Variants in KMT5B observed in about 807,000 individuals in gnomAD.
KMT5B encodes the protein lysine methyltransferase 5B.
In KMT5B, 10 loss-of-function variants were observed where a neutral mutation model predicts 83.2. The observed-to-expected ratio is 0.12, with a 90% CI of 0.07 to 0.20. KMT5B has a LOEUF of 0.20. Ranked by LOEUF, KMT5B falls within the 10% of genes least tolerant of loss-of-function variation. KMT5B has a pLI of 1.00. For synonymous variants in KMT5B, 349 were observed against 388.8 expected, an observed-to-expected ratio of 0.90 and a Z score of 1.20; for missense variants, 753 against 1,067.2, an observed-to-expected ratio of 0.71 and a Z score of 4.10.
chr11:68,173,965 G>A lies in KMT5B; in HGVS notation c.544-52C>T, dbSNP rs745617051. The A allele has an allele frequency of 3.2e-6, 4 of 1,242,098 alleles. No homozygotes were observed. The African/African-American group carries it at 4.5e-5, about 14-fold the overall frequency. The allele number at this position is 1,242,098 out of a possible 1,614,324, so 76.9% of individuals were successfully genotyped here. A position where few individuals can be genotyped will look rare whatever the true frequency, so the allele number is the denominator to read the frequency against. On this transcript the variant is annotated intron_variant, in intron 5 of 10. Coordinates refer to ENST00000304363, the MANE Select transcript of KMT5B (RefSeq NM_017635.5). ...TGACTTTAAATGGTATACCCTGCTA[G>A]ACTTTCTTACAATTATAAAAGCAAA...
At chr11:68,165,759 G>C in intron 10 of KMT5B, 1 of 1,487,104 alleles carries the variant, frequency 6.7e-7, no homozygotes, top group Non-Finnish European at 9.0e-7. Context: ...ACAGTCAACA[G>C]TTAATGATTG....
chr11:68,161,406 C>G (rs916088864), intron 10 of KMT5B, among the ~76,000 whole-genome samples: 3 of 152,122 alleles, frequency 2.0e-5, no homozygotes, highest in Admixed American at 2.0e-4. Flanking sequence ...TATGCCTCCT[C>G]AAGGACTAAT....
intron 10 of KMT5B, chr11:68,164,652 A>G (rs1191559233): frequency 3.9e-6 from 2 of 514,080 alleles, no homozygotes; most frequent in African/African-American, 3.9e-5. Flanking sequence ...AGTTAGTCAT[A>G]CTGATCCTTG....
rs1859369296 is a variant in KMT5B at position 68,157,299 on chromosome 11, G to C, written c.*389C>G. The C allele has an allele frequency of 6.3e-6, 1 of 158,252 alleles. No homozygotes were observed. The highest frequency in any genetic ancestry group is 2.4e-5 in the African/African-American group (1 of 41,644). The allele number at this position is 158,252 out of a possible 1,614,324, so 9.8% of individuals were successfully genotyped here. On this transcript the variant is annotated 3_prime_UTR_variant, in exon 11 of 11. Transcript: ENST00000304363. ...GAAACCCTTAATATGCTGCTACTAT[G>C]ATTTGTTTTAAATTATTGTTTAGTC...
At chr11:68,169,365 TATTC>T (rs1480983643) in intron 9 of KMT5B, among the ~76,000 whole-genome samples, 1 of 152,250 alleles carries the variant, frequency 6.6e-6, no homozygotes, top group Non-Finnish European at 1.5e-5. Flanking sequence ...ATATTTACTC[TATTC>T]ATTCATTTAC....
At chr11:68,170,890 G>T in intron 9 of KMT5B, 125 bp downstream of exon 9, 1 of 1,026,038 alleles carries the variant, frequency 9.7e-7, no homozygotes, top group Non-Finnish European at 1.4e-6. Context: ...TGCACCAGCC[G>T]CTATGCTAAA....
intron 5 of KMT5B, 92 bp downstream of exon 5, chr11:68,174,926 T>C: frequency 1.7e-6 from 2 of 1,162,304 alleles, no homozygotes; most frequent in South Asian, 3.2e-5. Context: ...AAAATAAATT[T>C]AAAATTTCAG....
intron 1 of KMT5B, among the ~76,000 whole-genome samples, chr11:68,196,537 T>C (rs970574696): frequency 6.7e-6 from 1 of 150,344 alleles, no homozygotes; most frequent in Non-Finnish European, 1.5e-5. Flanking sequence ...AACTGCATCA[T>C]AGAAACTATA....
At chr11:68,210,440 G>A (rs1443434187) in intron 1 of KMT5B, among the ~76,000 whole-genome samples, 3 of 152,210 alleles carry the variant, frequency 2.0e-5, no homozygotes, top group South Asian at 2.1e-4. Context: ...TGTAAAAGAT[G>A]AAGCATTAAT....
At chr11:68,199,087 C>T (rs528382673) in intron 1 of KMT5B, among the ~76,000 whole-genome samples, 32 of 151,946 alleles carry the variant, frequency 2.1e-4, no homozygotes, top group Non-Finnish European at 2.2e-4. Flanking sequence ...AAAGTAATTG[C>T]GTTGTTTTTT....
At chr11:68,172,512 G>A (rs1007219178) in intron 6 of KMT5B, among the ~76,000 whole-genome samples, 2 of 151,940 alleles carry the variant, frequency 1.3e-5, no homozygotes, top group African/African-American at 4.8e-5. Context: ...TGGGATTACA[G>A]ATGAGCCACC....
At chr11:68,204,224 G>T (rs529015906) in intron 1 of KMT5B, among the ~76,000 whole-genome samples, 91 of 152,312 alleles carry the variant, frequency 6.0e-4, no homozygotes, top group Non-Finnish European at 1.1e-3. Context: ...CTCTAAAGCA[G>T]ACTGTAGTAT....
At chr11:68,163,052 TC>T (rs1854996669) in intron 10 of KMT5B, among the ~76,000 whole-genome samples, 1 of 151,972 alleles carries the variant, frequency 6.6e-6, no homozygotes, top group South Asian at 2.1e-4. Context: ...TTAAAGTCCA[TC>T]AAGAAACCAA....
chr11:68,211,452 A>C (rs1173557380), intron 1 of KMT5B, among the ~76,000 whole-genome samples: 1 of 152,232 alleles, frequency 6.6e-6, no homozygotes, highest in Non-Finnish European at 1.5e-5. Context: ...TCTCCAGCTC[A>C]GTTTTTAAAA....
At chr11:68,176,843 A>G (rs1856434480) in intron 4 of KMT5B, 1 of 152,174 alleles carries the variant, frequency 6.6e-6, no homozygotes. Flanking sequence ...TTCAAATAAA[A>G]TACATTAAGA....
intron 3 of KMT5B, among the ~76,000 whole-genome samples, chr11:68,181,653 C>T (rs1257971172): frequency 6.6e-6 from 1 of 152,182 alleles, no homozygotes; most frequent in Non-Finnish European, 1.5e-5. Context: ...CTTAATTAAG[C>T]ATTATCAGTT....
At chr11:68,168,837 A>G (rs1855570078) in intron 9 of KMT5B, among the ~76,000 whole-genome samples, 1 of 152,136 alleles carries the variant, frequency 6.6e-6, no homozygotes, top group Non-Finnish European at 1.5e-5. Flanking sequence ...CTCTCAGCAC[A>G]GTGTGTGTGT....
chr11:68,204,609 C>T (rs908704464), intron 1 of KMT5B, among the ~76,000 whole-genome samples: 1 of 133,190 alleles, frequency 7.5e-6, no homozygotes, highest in Admixed American at 8.5e-5. Context: ...AATAAATTTC[C>T]GGTTTTTTTT....
Position 68,158,094 on chromosome 11 carries a change from T to C in KMT5B, c.2252A>G (p.His751Arg). The C allele has an allele frequency of 4.3e-6, 7 of 1,614,222 alleles. No homozygotes were observed. The highest frequency in any genetic ancestry group is 5.9e-6 in the Non-Finnish European group (7 of 1,180,044). The change falls in exon 11 of 11, where the codon CAT (histidine) becomes CGT (arginine). Residue 751 changes from histidine to arginine, a missense_variant. Physicochemically the swap from His to Arg is conservative, Grantham distance 29. This residue lies in a region of KMT5B where 161 missense variants were observed against 195.1 expected (regional missense o/e 0.83). Transcript: ENST00000304363. ...TACATAGAGATTGTTATCGTTGTCA[T>C]GGTCTTTGCTTAACTTGATGCTTAT... ...SKISIKLSKD[H>R]DNDNNLYVAK...
Sources: gnomAD v4.1 joint callset for allele counts (sites outside exome capture counted in the v4.1 genomes callset) on GRCh38, gnomAD v4.1.1 for gene constraint, gnomAD v4.1.1 regional missense constraint, MANE v1.5 for transcripts, NCBI Gene and HGNC (gene_info 2026-07-23, HGNC 2026-07-21) for gene names.